The following NDFIP2 variants were observed in gnomAD, a reference collection of about 807,000 sequenced individuals.
NDFIP2 encodes NEDD4 family-interacting protein 2.
Under a neutral mutation model 36.0 loss-of-function variants are expected in NDFIP2, and 19 were observed. The ratio of observed to expected loss-of-function variants is 0.53; its 90% CI spans 0.37 to 0.77. The LOEUF is 0.77. Ranked by LOEUF, NDFIP2 falls within the 30% of genes least tolerant of loss-of-function variation. NDFIP2 has a pLI of 0.00. For synonymous variants in NDFIP2, 181 were observed against 167.7 expected, an observed-to-expected ratio of 1.08 and a Z score of -0.61; for missense variants, 446 against 435.8, an observed-to-expected ratio of 1.02 and a Z score of -0.21.
intron 5 of NDFIP2, among the ~76,000 whole-genome samples, 168 bp from the exon 6 acceptor site, chr13:79,548,160 T>G (rs1217857725): frequency 6.6e-6 from 1 of 152,098 alleles, no homozygotes; most frequent in Non-Finnish European, 1.5e-5. Context: ...CTCAAATAAT[T>G]TATATATGTG....
intron 1 of NDFIP2, among the ~76,000 whole-genome samples, chr13:79,496,257 C>G (rs1873429922): frequency 1.3e-5 from 2 of 151,850 alleles, no homozygotes; most frequent in African/African-American, 4.8e-5. Flanking sequence ...CTGAAGTTTC[C>G]TTAATCTGAA....
At chr13:79,500,505 C>T (rs910960831) in intron 1 of NDFIP2, among the ~76,000 whole-genome samples, 4 of 151,868 alleles carry the variant, frequency 2.6e-5, no homozygotes, top group Admixed American at 1.3e-4. Context: ...CCCTATTAAA[C>T]AGGACAAAAA....
chr13:79,520,373 T>C (rs894867363), intron 1 of NDFIP2, among the ~76,000 whole-genome samples: 1 of 152,088 alleles, frequency 6.6e-6, no homozygotes, highest in Non-Finnish European at 1.5e-5. Flanking sequence ...CACCAAACCT[T>C]CTCCTTCTAC....
At chr13:79,500,602 A>G (rs1873621598) in intron 1 of NDFIP2, among the ~76,000 whole-genome samples, 1 of 152,018 alleles carries the variant, frequency 6.6e-6, no homozygotes, top group Admixed American at 6.6e-5. Context: ...AATGATGGTT[A>G]AAACAACTAG....
intron 5 of NDFIP2, 57 bp downstream of exon 5, chr13:79,543,739 T>A: frequency 6.3e-7 from 1 of 1,585,322 alleles, no homozygotes; most frequent in Non-Finnish European, 8.6e-7. Context: ...GTATGAAATT[T>A]TCTGTGTGGT....
intron 2 of NDFIP2, among the ~76,000 whole-genome samples, chr13:79,529,829 C>A (rs926594103): frequency 6.6e-6 from 1 of 152,042 alleles, no homozygotes; most frequent in East Asian, 1.9e-4. Flanking sequence ...AAAAAATAAA[C>A]GCATACTTCA....
chr13:79,539,533 G>C (rs1875376572), intron 3 of NDFIP2, 149 bp from the exon 4 acceptor site: 1 of 543,418 alleles, frequency 1.8e-6, no homozygotes, highest in South Asian at 3.0e-5. Context: ...AATGCTTATT[G>C]ATTACTCTGT....
chr13:79,482,233 A>G (rs1259464060), intron 1 of NDFIP2, among the ~76,000 whole-genome samples: 2 of 134,514 alleles, frequency 1.5e-5, no homozygotes, highest in African/African-American at 5.8e-5. Context: ...AGTAGAACAA[A>G]TTCTAATCTT....
chr13:79,534,604 G>T (rs979519793), intron 3 of NDFIP2, among the ~76,000 whole-genome samples: 1 of 152,198 alleles, frequency 6.6e-6, no homozygotes, highest in African/African-American at 2.4e-5. Context: ...AGGAGGGCTA[G>T]AATTTTTTGC....
chr13:79,498,103 G>T (rs1457424044), intron 1 of NDFIP2, among the ~76,000 whole-genome samples: 2 of 151,776 alleles, frequency 1.3e-5, no homozygotes, highest in Non-Finnish European at 2.9e-5. Context: ...TGCTGAGAGG[G>T]AGGGGCAGGG....
intron 5 of NDFIP2, among the ~76,000 whole-genome samples, chr13:79,547,668 G>A (rs1875739502): frequency 2.0e-5 from 3 of 152,050 alleles, no homozygotes; most frequent in Admixed American, 6.6e-5. Context: ...CCCACACCAC[G>A]GAGAATATAA....
At chr13:79,549,766 A>G (rs909697409) in intron 6 of NDFIP2, among the ~76,000 whole-genome samples, 2 of 151,848 alleles carry the variant, frequency 1.3e-5, no homozygotes, top group Admixed American at 6.6e-5. Flanking sequence ...TTTCAATAAT[A>G]TTTTTACATT....
chr13:79,502,364 A>G (rs1190466313), intron 1 of NDFIP2, among the ~76,000 whole-genome samples: 3 of 152,216 alleles, frequency 2.0e-5, no homozygotes, highest in East Asian at 1.9e-4. Flanking sequence ...ACAATATTAC[A>G]TGGGGTTAAT....
At chr13:79,502,145 G>A (rs1057007196) in intron 1 of NDFIP2, among the ~76,000 whole-genome samples, 78 of 152,114 alleles carry the variant, frequency 5.1e-4, no homozygotes, top group African/African-American at 1.6e-3. Flanking sequence ...AAAAAGAGGC[G>A]TAAAGAGATT....
chr13:79,515,172 A>G (rs1874238740), intron 1 of NDFIP2, among the ~76,000 whole-genome samples: 1 of 152,232 alleles, frequency 6.6e-6, no homozygotes, highest in Non-Finnish European at 1.5e-5. Flanking sequence ...CACAATGGTG[A>G]GTATTTGTAT....
chr13:79,492,920 A>G (rs746839763), intron 1 of NDFIP2, among the ~76,000 whole-genome samples: 3 of 151,870 alleles, frequency 2.0e-5, no homozygotes, highest in Non-Finnish European at 2.9e-5. Context: ...ACTAATTTCA[A>G]TTGTGTATTC....
rs139460255 is a variant in NDFIP2 at position 79,502,757 on chromosome 13, A to G, written c.322-18053A>G. 3.4e-4 allele frequency among the ~76,000 whole-genome samples: 52 copies of G among 152,234 alleles called. No homozygotes were observed. In the East Asian group the frequency reaches 9.8e-3, roughly 29 times the overall value. Reference sequence around the variant, plus strand: ...ATGGTAATGAATTGGTGAGGAAATAAAAGTACAGAAAATGGGAGTATATAC... The same window carrying G: ...ATGGTAATGAATTGGTGAGGAAATAGAAGTACAGAAAATGGGAGTATATAC... On this transcript the variant is annotated intron_variant, in intron 1 of 7. Transcript: ENST00000218652.
intron 1 of NDFIP2, among the ~76,000 whole-genome samples, chr13:79,499,698 TA>T (rs1873581357): frequency 6.6e-6 from 1 of 151,842 alleles, no homozygotes; most frequent in African/African-American, 2.4e-5. Flanking sequence ...TGAGGAAAAC[TA>T]CAAAACTTTG....
intron 2 of NDFIP2, among the ~76,000 whole-genome samples, chr13:79,527,775 T>TA (rs1308321173): frequency 2.0e-5 from 3 of 152,176 alleles, no homozygotes; most frequent in Non-Finnish European, 2.9e-5. Context: ...AAATTAACTG[T>TA]AAAACAGCCT....
Sources: allele counts gnomAD v4.1 joint callset (sites outside exome capture counted in the v4.1 genomes callset), GRCh38; gene constraint gnomAD v4.1.1; transcripts MANE v1.5; gene names NCBI Gene and HGNC (gene_info 2026-07-23, HGNC 2026-07-21).